Variants in ASIC2 observed in about 807,000 individuals in gnomAD.
ASIC2 encodes the protein acid sensing ion channel subunit 2, also known as acid-sensing ion channel 2.
ASIC2 carries 25 observed loss-of-function variants against 57.3 expected under a neutral mutation model. That is an observed-to-expected ratio of 0.44 (90% CI 0.32 to 0.61). The LOEUF is 0.61. Ranked by LOEUF, ASIC2 falls within the 20% of genes least tolerant of loss-of-function variation. The pLI is 0.06. For missense variants in ASIC2, 641 were observed against 738.1 expected (o/e 0.87, Z 1.52); for synonymous variants, 319 against 307.5 (o/e 1.04, Z -0.39).
chr17:33,092,846 G>C (rs1275172396), intron 2 of ASIC2, among the ~76,000 whole-genome samples: 1 of 152,244 alleles, frequency 6.6e-6, no homozygotes, highest in Non-Finnish European at 1.5e-5. Context: ...CCCTAGCACA[G>C]TAGCTGGCAC....
At chr17:33,602,965 C>G (rs1325303553) in intron 1 of ASIC2, among the ~76,000 whole-genome samples, 1 of 152,228 alleles carries the variant, frequency 6.6e-6, no homozygotes, top group Non-Finnish European at 1.5e-5. Flanking sequence ...GGCCTGAGCC[C>G]TTTCCCAATA....
chr17:33,895,956 T>C (rs1053187919), intron 1 of ASIC2, among the ~76,000 whole-genome samples: 1 of 152,094 alleles, frequency 6.6e-6, no homozygotes, highest in African/African-American at 2.4e-5. Context: ...ATCTGTAAAA[T>C]GGAGACAACA....
chr17:34,103,644 T>C (rs1456463903), intron 1 of ASIC2, among the ~76,000 whole-genome samples: 1 of 152,192 alleles, frequency 6.6e-6, no homozygotes, highest in Non-Finnish European at 1.5e-5. Flanking sequence ...TGGTGTGAGG[T>C]CAGAGATTGG....
intron 1 of ASIC2, among the ~76,000 whole-genome samples, chr17:33,129,214 C>T (rs2092335928): frequency 1.3e-5 from 2 of 152,206 alleles, no homozygotes; most frequent in Admixed American, 1.3e-4. Flanking sequence ...CAACACCTCT[C>T]ACGGCAAACC....
chr17:33,100,718 C>A (rs1597577667), intron 2 of ASIC2, among the ~76,000 whole-genome samples: 3 of 152,300 alleles, frequency 2.0e-5, no homozygotes, highest in Middle Eastern at 3.4e-3. Context: ...GGACTGGGCC[C>A]TTCATCTGTA....
intron 1 of ASIC2, among the ~76,000 whole-genome samples, chr17:33,734,372 T>A (rs992302265): frequency 3.3e-5 from 5 of 152,114 alleles, no homozygotes; most frequent in African/African-American, 1.2e-4. Flanking sequence ...CCGTGCTCTG[T>A]CTTCCACTTT....
intron 1 of ASIC2, among the ~76,000 whole-genome samples, chr17:33,964,931 T>C (rs1905033053): frequency 6.6e-6 from 1 of 152,146 alleles, no homozygotes; most frequent in Non-Finnish European, 1.5e-5. Context: ...AAGAGAGAAA[T>C]GTTGAATTCT....
chr17:33,751,352 A>G (rs1401069333), intron 1 of ASIC2, among the ~76,000 whole-genome samples: 1 of 152,064 alleles, frequency 6.6e-6, no homozygotes, highest in Non-Finnish European at 1.5e-5. Context: ...GAAAGTCAGA[A>G]AAACAAAGTA....
chr17:33,328,941 G>T (rs1227287465), intron 1 of ASIC2, among the ~76,000 whole-genome samples: 1 of 152,166 alleles, frequency 6.6e-6, no homozygotes, highest in East Asian at 1.9e-4. Context: ...TTCTCCTCTT[G>T]CTATATTTTT....
intron 1 of ASIC2, among the ~76,000 whole-genome samples, chr17:33,245,534 A>G (rs1052451349): frequency 1.3e-5 from 2 of 152,206 alleles, no homozygotes; most frequent in Non-Finnish European, 2.9e-5. Flanking sequence ...ACAATGCACA[A>G]ATAAACTAAA....
At chr17:33,291,032 T>G (rs576767758) in intron 1 of ASIC2, 69 of 215,670 alleles carry the variant, frequency 3.2e-4, no homozygotes, top group South Asian at 2.8e-3. Flanking sequence ...ACTTAAGAGA[T>G]CTACACTCCA....
At chr17:33,196,650 G>T (rs115337915) in intron 1 of ASIC2, among the ~76,000 whole-genome samples, 1,524 of 152,330 alleles carry the variant, frequency 0.01, 25 homozygotes, top group African/African-American at 0.035. Flanking sequence ...AGGAAACACT[G>T]TTGGTGGTGG....
intron 1 of ASIC2, among the ~76,000 whole-genome samples, chr17:33,486,969 G>A (rs540219062): frequency 2.7e-4 from 41 of 152,330 alleles, no homozygotes; most frequent in South Asian, 4.1e-4. Flanking sequence ...TGGAGGTGTG[G>A]CGGGAAAGAG....
At chr17:33,833,149 A>T (rs937017126) in intron 1 of ASIC2, among the ~76,000 whole-genome samples, 1 of 152,188 alleles carries the variant, frequency 6.6e-6, no homozygotes, top group Non-Finnish European at 1.5e-5. Flanking sequence ...AAATAAGAAG[A>T]AAAGTAAAGA....
At chr17:33,684,110 A>G (rs1040529276) in intron 1 of ASIC2, among the ~76,000 whole-genome samples, 2 of 152,206 alleles carry the variant, frequency 1.3e-5, no homozygotes, top group African/African-American at 4.8e-5. Context: ...TCTGCTAATA[A>G]TTCTCCATAC....
intron 1 of ASIC2, among the ~76,000 whole-genome samples, chr17:33,843,007 G>A (rs574927620): frequency 2.6e-5 from 4 of 152,332 alleles, no homozygotes; most frequent in South Asian, 4.1e-4. Context: ...TGCCTTGAAG[G>A]CAGTGCCTCC....
intron 1 of ASIC2, among the ~76,000 whole-genome samples, chr17:33,536,520 A>T (rs763972133): frequency 1.2e-4 from 19 of 152,234 alleles, no homozygotes; most frequent in Admixed American, 1.3e-4. Context: ...TTAAATGCCT[A>T]CCGACACATC....
intron 1 of ASIC2, among the ~76,000 whole-genome samples, chr17:33,558,925 G>A (rs558826478): frequency 9.2e-5 from 14 of 151,850 alleles, no homozygotes; most frequent in Admixed American, 7.2e-4. Context: ...GCACCACCAC[G>A]CCCGATTAAG....
At chr17:33,868,148 C>T (rs2701461) in intron 1 of ASIC2, among the ~76,000 whole-genome samples, 103,904 of 151,812 alleles carry the variant, frequency 0.68, 36,581 homozygotes, top group Admixed American at 0.8. Flanking sequence ...ATTTATGTGC[C>T]CAAAAACTAT....
Sources: gnomAD v4.1 joint callset for allele counts (sites outside exome capture counted in the v4.1 genomes callset) on GRCh38, gnomAD v4.1.1 for gene constraint, MANE v1.5 for transcripts, NCBI Gene and HGNC (gene_info 2026-07-23, HGNC 2026-07-21) for gene names.